The following ACBD6 variants were observed in gnomAD, a reference collection of about 807,000 sequenced individuals.
The protein encoded by ACBD6 is acyl-CoA binding domain containing 6.
In ACBD6, 28 loss-of-function variants were observed where a neutral mutation model predicts 37.2. The observed-to-expected ratio is 0.75, with a 90% CI of 0.56 to 1.03. The LOEUF is 1.03. Among genes scored for constraint, ACBD6 ranks in the 50% least tolerant of loss-of-function variants. ACBD6 has a pLI of 0.00. For synonymous variants in ACBD6, 113 were observed against 126.8 expected (o/e 0.89, Z 0.73); for missense variants, 340 against 337.4 (o/e 1.01, Z -0.06).
At chr1:180,285,161 CG>C (rs1176376762), downstream of ACBD6, among the ~76,000 whole-genome samples, 2 of 151,968 alleles carry the variant, frequency 1.3e-5, no homozygotes, top group Non-Finnish European at 2.9e-5. Flanking sequence ...ACCCAAAAAA[CG>C]GCGTAACTGC....
chr1:180,440,704 C>G (rs1649247418), intron 3 of ACBD6, among the ~76,000 whole-genome samples: 2 of 151,858 alleles, frequency 1.3e-5, no homozygotes, highest in Non-Finnish European at 2.9e-5. Context: ...GCAGTCACTC[C>G]CCATTCCCCT....
At chr1:180,351,123 T>C (rs1652398187) in intron 6 of ACBD6, among the ~76,000 whole-genome samples, 1 of 152,214 alleles carries the variant, frequency 6.6e-6, no homozygotes, top group Non-Finnish European at 1.5e-5. Context: ...CTATGAAATA[T>C]AATATAGGTG....
intron 7 of ACBD6, among the ~76,000 whole-genome samples, chr1:180,309,840 G>A (rs1004629582): frequency 2.0e-5 from 3 of 152,082 alleles, no homozygotes; most frequent in African/African-American, 7.2e-5. Flanking sequence ...TAGCTGTGGG[G>A]GTGGCTGAGA....
intron 7 of ACBD6, among the ~76,000 whole-genome samples, chr1:180,308,867 A>G (rs1650484694): frequency 6.6e-6 from 1 of 152,178 alleles, no homozygotes; most frequent in Non-Finnish European, 1.5e-5. Flanking sequence ...CTTAAAAAGA[A>G]TGTTTGATGT....
At chr1:180,278,640 T>G (rs1649189122) in intron 9 of ACBD6, 1 of 151,712 alleles carries the variant, frequency 6.6e-6, no homozygotes, top group Non-Finnish European at 1.5e-5. Flanking sequence ...ACACCAACTT[T>G]CCCACTTGAG....
chr1:180,365,318 T>C (rs1223026530), intron 6 of ACBD6, among the ~76,000 whole-genome samples: 2 of 152,204 alleles, frequency 1.3e-5, no homozygotes, highest in Non-Finnish European at 2.9e-5. Flanking sequence ...AAGAGAAGTC[T>C]AAAATCTGTA....
intron 6 of ACBD6, among the ~76,000 whole-genome samples, chr1:180,394,931 T>A (rs550894496): frequency 2.7e-4 from 41 of 152,292 alleles, no homozygotes; most frequent in Non-Finnish European, 3.5e-4. Flanking sequence ...TTTTCCTTAC[T>A]ATATAAAAAG....
At chr1:180,487,849 T>C (rs1179631097) in intron 3 of ACBD6, among the ~76,000 whole-genome samples, 2 of 152,194 alleles carry the variant, frequency 1.3e-5, no homozygotes, top group Non-Finnish European at 2.9e-5. Flanking sequence ...GTACTCAGTA[T>C]AGAAGACAAA....
At chr1:180,308,013 T>C (rs1183150087) in intron 7 of ACBD6, among the ~76,000 whole-genome samples, 2 of 152,190 alleles carry the variant, frequency 1.3e-5, no homozygotes, top group Non-Finnish European at 2.9e-5. Flanking sequence ...TAATGTCTCT[T>C]TACATTTATC....
intron 6 of ACBD6, among the ~76,000 whole-genome samples, chr1:180,369,478 C>T (rs973905973): frequency 6.6e-6 from 1 of 152,064 alleles, no homozygotes; most frequent in Admixed American, 6.6e-5. Flanking sequence ...TTTATATTTT[C>T]GGAAGGGAGA....
chr1:180,423,864 C>T (rs1193669152), intron 4 of ACBD6, among the ~76,000 whole-genome samples: 1 of 152,132 alleles, frequency 6.6e-6, no homozygotes, highest in Non-Finnish European at 1.5e-5. Context: ...TCCTAAAAGT[C>T]TCTACAGAGC....
intron 3 of ACBD6, among the ~76,000 whole-genome samples, chr1:180,484,153 C>A (rs1651164767): frequency 6.6e-6 from 1 of 152,104 alleles, no homozygotes; most frequent in East Asian, 1.9e-4. Context: ...TGGCTCAGGG[C>A]ATTCACACTA....
rs539034747 is a variant in ACBD6, at chr1:180,314,488, G to A, written c.694+204C>T. Among the ~76,000 whole-genome samples the A allele has an allele frequency of 3.3e-5, 5 of 152,200 alleles. No homozygotes were observed. The South Asian group carries it at 1.0e-3, about 32-fold the overall frequency. The stretch of plus-strand genomic sequence containing the variant: ...TTGAACTCCTGACCTCAAGTGATCT[G>A]CCCGCCTCAGCCTCCCATAGTGCTG... On this transcript the variant is annotated intron_variant, in intron 7 of 7. Transcript: ENST00000367595.
chr1:180,463,410 G>A lies in ACBD6; in HGVS notation c.384+28859C>T, dbSNP rs189708960. Among the ~76,000 whole-genome samples, 295 of 152,218 alleles carry A rather than the reference G, an allele frequency of 1.9e-3. 2 individuals are homozygous for A. The highest frequency in any genetic ancestry group is 6.9e-3 in the African/African-American group (286 of 41,536). On this transcript the variant is annotated intron_variant, in intron 3 of 7. Coordinates refer to ENST00000367595, the MANE Select transcript of ACBD6 (RefSeq NM_032360.4). Reference sequence around the variant, plus strand: ...CCCACAGAAATACAAATGACCATCAGAGAATATTACAAATACCTCTATGCA... The same window carrying A: ...CCCACAGAAATACAAATGACCATCAAAGAATATTACAAATACCTCTATGCA...
At chr1:180,375,867 G>GAA (rs1653412394) in intron 6 of ACBD6, among the ~76,000 whole-genome samples, 1 of 152,034 alleles carries the variant, frequency 6.6e-6, no homozygotes, top group South Asian at 2.1e-4. Flanking sequence ...CTTGCATGAT[G>GAA]AAAGATACCA....
At chr1:180,433,247 C>T (rs989968260) in intron 3 of ACBD6, among the ~76,000 whole-genome samples, 5 of 152,112 alleles carry the variant, frequency 3.3e-5, no homozygotes, top group African/African-American at 1.2e-4. Context: ...ATACAAAAAT[C>T]AATCATATAA....
At chr1:180,288,199 G>C (rs1649566063), downstream of ACBD6, 1 of 911,410 alleles carries the variant, frequency 1.1e-6, no homozygotes. Flanking sequence ...TAGAATGTAT[G>C]CAAGAAGAAT....
At chr1:180,497,379 C>G (rs1429754435) in intron 1 of ACBD6, among the ~76,000 whole-genome samples, 1 of 152,118 alleles carries the variant, frequency 6.6e-6, no homozygotes, top group East Asian at 1.9e-4. Flanking sequence ...CTTGTCTTCC[C>G]CTTTCCCTTT....
At chr1:180,337,788 T>C (rs902783740) in intron 6 of ACBD6, among the ~76,000 whole-genome samples, 5 of 152,216 alleles carry the variant, frequency 3.3e-5, no homozygotes, top group African/African-American at 1.2e-4. Context: ...CTTAAGCTGA[T>C]AAGCAACTTC....
Sources: gnomAD v4.1 joint callset for allele counts (sites outside exome capture counted in the v4.1 genomes callset) on GRCh38, gnomAD v4.1.1 for gene constraint, MANE v1.5 for transcripts, NCBI Gene and HGNC (gene_info 2026-07-23, HGNC 2026-07-21) for gene names.